Variants in STARD13 observed in about 807,000 individuals in gnomAD.
STARD13 encodes StAR related lipid transfer domain containing 13, also known as stAR-related lipid transfer protein 13.
A neutral mutation model predicts 106.4 loss-of-function variants in STARD13; 62 were observed. The observed-to-expected ratio is 0.58, with a 90% CI of 0.48 to 0.72. The LOEUF is 0.72. Ranked by LOEUF, STARD13 falls within the 30% of genes least tolerant of loss-of-function variation. The pLI, the probability that STARD13 is intolerant of heterozygous loss-of-function variation, is 0.00. For synonymous variants in STARD13, 565 were observed against 553.0 expected, an observed-to-expected ratio of 1.02 and a Z score of -0.31; for missense variants, 1,387 against 1,424.0, an observed-to-expected ratio of 0.97 and a Z score of 0.42.
intron 1 of STARD13, among the ~76,000 whole-genome samples, chr13:33,235,911 C>T (rs1308100361): frequency 6.6e-6 from 1 of 152,120 alleles, no homozygotes; most frequent in Non-Finnish European, 1.5e-5. Flanking sequence ...GTGGATGTTC[C>T]GTTGGTAAAT....
chr13:33,548,365 A>G, the STARD13 span, among the ~76,000 whole-genome samples: 2 of 152,176 alleles, frequency 1.3e-5, no homozygotes, highest in South Asian at 4.1e-4. Context: ...AAAAAACCCA[A>G]ATGTACAAGG....
the STARD13 span, among the ~76,000 whole-genome samples, chr13:33,547,460 G>C: frequency 1.3e-5 from 2 of 152,152 alleles, no homozygotes; most frequent in African/African-American, 4.8e-5. Context: ...AATTTTTCTT[G>C]AAGATAATTT....
chr13:33,211,632 A>G (rs956507215), intron 1 of STARD13, among the ~76,000 whole-genome samples: 3 of 152,198 alleles, frequency 2.0e-5, no homozygotes, highest in Non-Finnish European at 4.4e-5. Context: ...TATAATACCT[A>G]GTACAATGTA....
chr13:33,146,228 G>A (rs572035292), intron 3 of STARD13, among the ~76,000 whole-genome samples: 48 of 152,296 alleles, frequency 3.2e-4, no homozygotes, highest in African/African-American at 1.1e-3. Flanking sequence ...GGAGGCTGAG[G>A]CAGGAGAATT....
At chr13:33,597,053 G>A in the STARD13 span, among the ~76,000 whole-genome samples, 12 of 152,148 alleles carry the variant, frequency 7.9e-5, no homozygotes, top group Admixed American at 1.3e-4. Context: ...TAAATACCCA[G>A]TGGTGGGATT....
the STARD13 span, among the ~76,000 whole-genome samples, chr13:33,517,253 C>A: frequency 6.6e-6 from 1 of 152,030 alleles, no homozygotes; most frequent in Admixed American, 6.6e-5. Flanking sequence ...GCATTAACAT[C>A]ACCGCTGAAC....
chr13:33,170,967 A>C (rs1320468742), intron 1 of STARD13, among the ~76,000 whole-genome samples: 1 of 152,196 alleles, frequency 6.6e-6, no homozygotes, highest in Admixed American at 6.5e-5. Context: ...CCAATCAGCC[A>C]AATACTAATG....
At chr13:33,151,818 A>G (rs1881316170) in intron 3 of STARD13, among the ~76,000 whole-genome samples, 1 of 152,188 alleles carries the variant, frequency 6.6e-6, no homozygotes, top group African/African-American at 2.4e-5. Context: ...AGTCCAGGGG[A>G]GAGATGGCAG....
chr13:33,406,983 T>C, the STARD13 span, among the ~76,000 whole-genome samples: 1 of 152,142 alleles, frequency 6.6e-6, no homozygotes, highest in Non-Finnish European at 1.5e-5. Context: ...ATGTGGAGGA[T>C]TGACTGTACA....
the STARD13 span, among the ~76,000 whole-genome samples, chr13:33,526,988 CAAAAG>C: frequency 6.6e-6 from 1 of 151,898 alleles, no homozygotes; most frequent in African/African-American, 2.4e-5. Context: ...CCCCAGTGGT[CAAAAG>C]AAGAGAACTG....
chr13:33,533,957 A>T, the STARD13 span, among the ~76,000 whole-genome samples: 1 of 152,220 alleles, frequency 6.6e-6, no homozygotes, highest in Non-Finnish European at 1.5e-5. Flanking sequence ...AGTTCCTAGA[A>T]ATGAAGGACA....
chr13:33,519,208 TTTTC>T, the STARD13 span, among the ~76,000 whole-genome samples: 12,514 of 100,112 alleles, frequency 0.12, 623 homozygotes, highest in Middle Eastern at 0.15. Context: ...CTTGGTAATT[TTTTC>T]TTTCTTTCTT....
At chr13:33,664,439 TTG>T in the STARD13 span, among the ~76,000 whole-genome samples, 1 of 152,246 alleles carries the variant, frequency 6.6e-6, no homozygotes, top group Non-Finnish European at 1.5e-5. Flanking sequence ...CAGAACTGTG[TTG>T]TCTTTGGACT....
intron 1 of STARD13, among the ~76,000 whole-genome samples, chr13:33,189,473 C>T (rs916915238): frequency 1.4e-5 from 2 of 145,480 alleles, no homozygotes; most frequent in African/African-American, 2.5e-5. Context: ...GGAAGGGACT[C>T]TCTGGTTTGT....
At chr13:33,551,161 T>A in the STARD13 span, among the ~76,000 whole-genome samples, 1 of 151,146 alleles carries the variant, frequency 6.6e-6, no homozygotes. Flanking sequence ...AACCCGCCAT[T>A]GGTGTGTCTT....
At chr13:33,637,181 T>C in the STARD13 span, among the ~76,000 whole-genome samples, 2 of 152,140 alleles carry the variant, frequency 1.3e-5, no homozygotes, top group Non-Finnish European at 2.9e-5. Context: ...AGAGAGAAGG[T>C]AAATGACTAA....
At chr13:33,385,253 A>ATATG in the STARD13 span, among the ~76,000 whole-genome samples, 2 of 135,314 alleles carry the variant, frequency 1.5e-5, no homozygotes, top group Admixed American at 1.5e-4. Context: ...ATATATATAT[A>ATATG]TATATGTAGA....
At chr13:33,645,892 G>T in the STARD13 span, among the ~76,000 whole-genome samples, 1 of 152,088 alleles carries the variant, frequency 6.6e-6, no homozygotes, top group African/African-American at 2.4e-5. Context: ...TCACCAAGGG[G>T]ATTTCCCTTT....
At chr13:33,630,960 A>G in the STARD13 span, among the ~76,000 whole-genome samples, 1 of 152,240 alleles carries the variant, frequency 6.6e-6, no homozygotes, top group Non-Finnish European at 1.5e-5. Context: ...ACTCATTGGC[A>G]TTCATTATGA....
Sources: gnomAD v4.1 joint callset for allele counts (sites outside exome capture counted in the v4.1 genomes callset) on GRCh38, gnomAD v4.1.1 for gene constraint, MANE v1.5 for transcripts, NCBI Gene and HGNC (gene_info 2026-07-23, HGNC 2026-07-21) for gene names.